The following COL6A5 variants were observed in gnomAD, a reference collection of about 807,000 sequenced individuals.
COL6A5 encodes collagen alpha-5(VI) chain.
COL6A5 carries 48 observed loss-of-function variants against 65.6 expected under a neutral mutation model. The observed-to-expected ratio is 0.73, with a 90% CI of 0.58 to 0.93. COL6A5 has a LOEUF of 0.93. COL6A5 is among the 40% of genes least tolerant of loss of function. The pLI is 0.00. For missense variants in COL6A5, 914 were observed against 928.3 expected, an observed-to-expected ratio of 0.98 and a Z score of 0.20; for synonymous variants, 291 against 322.8, an observed-to-expected ratio of 0.90 and a Z score of 1.05.
intron 2 of COL6A5, among the ~76,000 whole-genome samples, chr3:130,375,873 T>C (rs1456630833): frequency 2.0e-5 from 3 of 152,054 alleles, no homozygotes. Context: ...ATTGGGTCCC[T>C]CCCATGACAC....
At chr3:130,469,567 C>T (rs1207324297) in intron 6 of COL6A5, 86 bp downstream of exon 38, 5 of 1,084,002 alleles carry the variant, frequency 4.6e-6, no homozygotes, top group Non-Finnish European at 6.6e-6. Context: ...TAAAATGATC[C>T]TCACTTCAGT....
intron 1 of COL6A5, among the ~76,000 whole-genome samples, chr3:130,356,424 A>C (rs1463902402): frequency 6.6e-6 from 1 of 152,146 alleles, no homozygotes; most frequent in Non-Finnish European, 1.5e-5. Context: ...CATCAGGAGC[A>C]AATATTGTTT....
intron 22 of COL6A5, among the ~76,000 whole-genome samples, 167 bp from the exon 23 acceptor site, chr3:130,415,478 T>G (rs1247754897): frequency 1.3e-5 from 2 of 152,084 alleles, no homozygotes; most frequent in Admixed American, 1.3e-4. Context: ...GACCACTGAG[T>G]CCACTGGGCC....
chr3:130,354,468 C>A (rs1001131764), intron 1 of COL6A5, among the ~76,000 whole-genome samples: 10 of 152,174 alleles, frequency 6.6e-5, no homozygotes, highest in Non-Finnish European at 1.3e-4. Context: ...TCCCTTCTTA[C>A]TCAAAGTGTT....
chr3:130,445,789 G>A (rs1322161105), intron 4 of COL6A5, among the ~76,000 whole-genome samples: 1 of 152,138 alleles, frequency 6.6e-6, no homozygotes, highest in East Asian at 1.9e-4. Flanking sequence ...GTAGCCTCCA[G>A]GCATTCCCTT....
intron 1 of COL6A5, among the ~76,000 whole-genome samples, chr3:130,370,491 A>G (rs545748162): frequency 3.9e-5 from 6 of 152,304 alleles, no homozygotes; most frequent in Non-Finnish European, 7.4e-5. Flanking sequence ...GCCCTATTCT[A>G]TATCCATCTT....
At chr3:130,474,300 T>C (rs1012998542) in intron 7 of COL6A5, among the ~76,000 whole-genome samples, 1 of 152,088 alleles carries the variant, frequency 6.6e-6, no homozygotes, top group African/African-American at 2.4e-5. Flanking sequence ...AGCACTTGCA[T>C]GCTGAACCTG....
chr3:130,359,720 G>A (rs1312494210), intron 1 of COL6A5, among the ~76,000 whole-genome samples: 1 of 152,060 alleles, frequency 6.6e-6, no homozygotes, highest in Admixed American at 6.5e-5. Flanking sequence ...CTGCAGTCAT[G>A]CTTGTTTGTT....
chr3:130,422,654 G>C, intron 27 of COL6A5, 66 bp from the exon 28 acceptor site: 1 of 935,922 alleles, frequency 1.1e-6, no homozygotes, highest in South Asian at 1.7e-5. Context: ...AGTCCAGAGA[G>C]TTTTTTTTTT....
At chr3:130,375,715 C>G (rs2107636909) in intron 2 of COL6A5, among the ~76,000 whole-genome samples, 1 of 152,124 alleles carries the variant, frequency 6.6e-6, no homozygotes, top group South Asian at 2.1e-4. Context: ...ACAATCATGG[C>G]AGAAGTGGAA....
intron 3 of COL6A5, among the ~76,000 whole-genome samples, chr3:130,377,388 A>C (rs1327551507): frequency 1.3e-5 from 2 of 152,210 alleles, no homozygotes; most frequent in Non-Finnish European, 2.9e-5. Context: ...TCTTTCCTTC[A>C]CCATCTTGTT....
intron 5 of COL6A5, among the ~76,000 whole-genome samples, chr3:130,462,979 C>T (rs542376500): frequency 2.0e-5 from 3 of 152,172 alleles, no homozygotes. Flanking sequence ...CTTTCTTAGC[C>T]AACTCATTCA....
chr3:130,348,892 T>C (rs897437024), intron 1 of COL6A5, among the ~76,000 whole-genome samples: 1 of 151,616 alleles, frequency 6.6e-6, no homozygotes, highest in African/African-American at 2.4e-5. Context: ...AGCTTTTTTT[T>C]ATGTTTTTGG....
intron 4 of COL6A5, among the ~76,000 whole-genome samples, chr3:130,446,723 A>G (rs1709313696): frequency 6.6e-6 from 1 of 152,110 alleles, no homozygotes. Flanking sequence ...GTGGGTACCC[A>G]GACAGGGGAT....
At chr3:130,382,693 C>A (rs1420282800) in intron 4 of COL6A5, among the ~76,000 whole-genome samples, 3 of 152,076 alleles carry the variant, frequency 2.0e-5, no homozygotes, top group Non-Finnish European at 4.4e-5. Context: ...ATGATCAACG[C>A]TCAGAGAAAC....
At chr3:130,472,531 C>T (rs934104805) in intron 7 of COL6A5, among the ~76,000 whole-genome samples, 1 of 151,812 alleles carries the variant, frequency 6.6e-6, no homozygotes, top group Non-Finnish European at 1.5e-5. Flanking sequence ...TTGCTGTGTC[C>T]CAGAGTCATG....
intron 24 of COL6A5, 85 bp from the exon 25 acceptor site, chr3:130,418,784 C>A: frequency 9.7e-7 from 1 of 1,030,132 alleles, no homozygotes; most frequent in Non-Finnish European, 1.5e-6. Context: ...AACCTTGAGT[C>A]TCCTCATCGA....
chr3:130,351,522 A>G (rs1206004556), intron 1 of COL6A5, among the ~76,000 whole-genome samples: 1 of 152,230 alleles, frequency 6.6e-6, no homozygotes. Context: ...TTCTTAAAAG[A>G]AGACATTTAT....
At chr3:130,358,073 C>T (rs2107618196) in intron 1 of COL6A5, among the ~76,000 whole-genome samples, 1 of 152,156 alleles carries the variant, frequency 6.6e-6, no homozygotes, top group African/African-American at 2.4e-5. Flanking sequence ...CCTGTAGTCC[C>T]AGCTACTCGG....
Sources: allele counts gnomAD v4.1 joint callset (sites outside exome capture counted in the v4.1 genomes callset), GRCh38; gene constraint gnomAD v4.1.1; transcripts MANE v1.5; gene names NCBI Gene and HGNC (gene_info 2026-07-23, HGNC 2026-07-21).